TRUB2: variants seen among roughly 807,000 people sequenced by gnomAD.
TRUB2 encodes TruB pseudouridine synthase family member 2.
In TRUB2, 31 loss-of-function variants were observed where a neutral mutation model predicts 31.9. That is an observed-to-expected ratio of 0.97 (90% CI 0.73 to 1.31). TRUB2 has a LOEUF of 1.31. TRUB2 is among the 50% of genes most tolerant of loss of function. The pLI, the probability that TRUB2 is intolerant of heterozygous loss-of-function variation, is 0.00. For missense variants in TRUB2, 451 were observed against 439.6 expected, an observed-to-expected ratio of 1.03 and a Z score of -0.23; for synonymous variants, 201 against 182.6, an observed-to-expected ratio of 1.10 and a Z score of -0.81.
chr9:128,315,937 A>G (rs1255719288), intron 3 of TRUB2: 2 of 404,624 alleles, frequency 4.9e-6, no homozygotes, highest in African/African-American at 4.0e-5. Flanking sequence ...ACAAACCTGC[A>G]CTCAAATCAG....
intron 3 of TRUB2, chr9:128,315,912 C>G (rs891879531): frequency 6.5e-6 from 3 of 463,278 alleles, no homozygotes; most frequent in Non-Finnish European, 1.2e-5. Context: ...AGGAAGAGAT[C>G]CCTGGCCTAG....
chr9:128,316,945 A>G, intron 3 of TRUB2: 1 of 553,542 alleles, frequency 1.8e-6, no homozygotes, highest in Non-Finnish European at 3.2e-6. Flanking sequence ...GAATCACTGA[A>G]TAAAGGTGGG....
intron 7 of TRUB2, 84 bp downstream of exon 7, chr9:128,310,803 C>T (rs1379471025): frequency 6.4e-6 from 10 of 1,567,394 alleles, no homozygotes; most frequent in Non-Finnish European, 7.9e-6. Flanking sequence ...AGCCAGACAA[C>T]AGTGACCTCT....
chr9:128,311,390 CAAGA>C, intron 6 of TRUB2, 135 bp downstream of exon 6: 2 of 899,884 alleles, frequency 2.2e-6, no homozygotes, highest in South Asian at 1.5e-5. Flanking sequence ...TTCTTAATGC[CAAGA>C]AAGAAACAGG....
rs960411192 is a variant in TRUB2 at position 128,322,383 on chromosome 9, A to G, written c.26T>C (p.Leu9Pro). 3 of 1,614,174 alleles carry G rather than the reference A, an allele frequency of 1.9e-6. No homozygotes were observed. The highest frequency in any genetic ancestry group is 2.5e-6 in the Non-Finnish European group (3 of 1,180,034). Residue 9 changes from leucine (L) to proline (P), a missense_variant, in exon 1 of 8, where the codon CTG becomes CCG. By Grantham distance (98) the Leu-to-Pro change is moderately conservative. Transcript: ENST00000372890. MGSAGLSR[L>P]HGLFAVYKPP... ...CTTATAGACCGCGAAAAGCCCATGC[A>G]GCCGCGACAAGCCAGCAGACCCCAT... is the stretch of plus-strand genomic sequence containing the variant.
chr9:128,311,672 C>CA, intron 5 of TRUB2, 71 bp from the exon 6 acceptor site: 1 of 1,520,924 alleles, frequency 6.6e-7, no homozygotes, highest in Non-Finnish European at 9.1e-7. Flanking sequence ...TCCTTCCCCC[C>CA]AGGCCAGCCC....
intron 2 of TRUB2, among the ~76,000 whole-genome samples, chr9:128,319,779 A>C (rs1185329999): frequency 6.7e-6 from 1 of 149,784 alleles, no homozygotes; most frequent in Non-Finnish European, 1.5e-5. Context: ...AGCTGGGATT[A>C]CAGGTACGTG....
chr9:128,311,880 G>A (rs1831976743), intron 5 of TRUB2, among the ~76,000 whole-genome samples: 2 of 137,726 alleles, frequency 1.5e-5, no homozygotes, highest in Admixed American at 1.6e-4. Context: ...CTGTCACCCA[G>A]ACTGGAGTGC....
chr9:128,319,252 G>A lies in TRUB2; in HGVS notation c.242-2026C>T, dbSNP rs918105818. Among the ~76,000 whole-genome samples, 19 of 152,004 alleles carry A rather than the reference G, an allele frequency of 1.2e-4. No individual in the cohort carries two copies. In the East Asian group the frequency reaches 3.7e-3, roughly 30 times the overall value. Reference sequence around the variant, plus strand: ...GAGGCAGGAGAATGGCGTGAACCCAGGAGGAGAAGCTTGCAGTGAGCCGAG... The same window carrying A: ...GAGGCAGGAGAATGGCGTGAACCCAAGAGGAGAAGCTTGCAGTGAGCCGAG... On this transcript the variant is annotated intron_variant, in intron 2 of 7. Coordinates refer to ENST00000372890, the MANE Select transcript of TRUB2 (RefSeq NM_015679.3).
rs1290914412 is a variant in TRUB2, at chr9:128,306,061, A to G, written c.*3489T>C. ...TGCTTACACATTTGGTACATTTTTA[A>G]CAATCGTTGATTGTTCAACTCCATC... is the stretch of plus-strand genomic sequence containing the variant. On this transcript the variant is annotated 3_prime_UTR_variant, in exon 8 of 8. Transcript: ENST00000372890. 1 of 152,158 alleles carries G rather than the reference A, an allele frequency of 6.6e-6. No individual in the cohort carries two copies. Among genetic ancestry groups the G allele is most frequent in the Non-Finnish European group, 1.5e-5 (1 of 68,032 alleles). 9.4% of individuals were successfully genotyped at this position (152,158 alleles called of 1,614,324 possible). A position where few individuals can be genotyped will look rare whatever the true frequency, so the allele number is the denominator to read the frequency against.
At position 128,309,598 on chromosome 9, in the gene TRUB2, G is replaced by A; in HGVS notation, c.948C>T (p.Ser316=). ...QLPSPGWSWD[S]QGPSSTLGLE... ...GCCCCAAGGTAGAGCTCGGGCCCTGGGAGTCCCAGGACCATCCCGGACTGG... is the reference window on the plus strand; with the variant it reads ...GCCCCAAGGTAGAGCTCGGGCCCTGAGAGTCCCAGGACCATCCCGGACTGG... The change falls in exon 8 of 8, where the codon TCC becomes TCT. Residue 316 remains serine, a synonymous_variant. Coordinates refer to ENST00000372890, the MANE Select transcript of TRUB2 (RefSeq NM_015679.3). The A allele has an allele frequency of 6.2e-7, 1 of 1,613,714 alleles. No homozygotes were observed. The highest frequency in any genetic ancestry group is 8.5e-7 in the Non-Finnish European group (1 of 1,179,808).
chr9:128,311,677 C>T, intron 5 of TRUB2, 76 bp from the exon 6 acceptor site: 2 of 1,491,522 alleles, frequency 1.3e-6, no homozygotes, highest in Non-Finnish European at 1.9e-6. Context: ...CCCCCCAGGC[C>T]AGCCCCATCC....
At chr9:128,317,124 G>T in intron 3 of TRUB2, 28 bp downstream of exon 3, 1 of 1,551,408 alleles carries the variant, frequency 6.4e-7, no homozygotes. Context: ...CCTTATCACT[G>T]TACCCCCAGG....
At chr9:128,315,675 T>C (rs1390767408) in intron 3 of TRUB2, 47 bp from the exon 4 acceptor site, 2 of 1,592,014 alleles carry the variant, frequency 1.3e-6, no homozygotes, top group Non-Finnish European at 1.7e-6. Flanking sequence ...CCCTTCCCAT[T>C]CCCCTAAGTA....
Position 128,307,101 on chromosome 9 carries a change from A to T in TRUB2, c.*2449T>A, listed in dbSNP as rs1831878597. ...GTGAAACCCCGTCTCTACTAAAAAT[A>T]CAAAAGTTAGCTGGGCGTGGTGGTG... On this transcript the variant is annotated 3_prime_UTR_variant, in exon 8 of 8. Coordinates refer to ENST00000372890, the MANE Select transcript of TRUB2 (RefSeq NM_015679.3). 6.6e-6 allele frequency: 1 copy of T among 152,130 alleles called. No individual in the cohort carries two copies. Among genetic ancestry groups the T allele is most frequent in the Non-Finnish European group, 1.5e-5 (1 of 68,046 alleles). The allele number at this position is 152,130 out of a possible 1,614,324, so 9.4% of individuals were successfully genotyped here.
Position 128,310,849 on chromosome 9 carries a change from G to GTCCCATCTCACTGC in TRUB2, c.670+24_670+37dup, listed in dbSNP as rs746122339. The GTCCCATCTCACTGC allele has an allele frequency of 6.3e-5, 101 of 1,612,546 alleles. 1 individual carries two copies. In the South Asian group the frequency reaches 6.3e-4, roughly 10 times the overall value. On this transcript the variant is annotated intron_variant, in intron 7 of 7. Transcript: ENST00000372890. ...TCCTGAGTGACTCCCAAACCTACGGGTCCCATCTCACTGCTCCAACTTCCT... is the reference window on the plus strand; with the variant it reads ...TCCTGAGTGACTCCCAAACCTACGGGTCCCATCTCACTGCTCCCATCTCACTGCTCCAACTTCCT...
rs149529532 is a variant in TRUB2, at chr9:128,319,219, G to A, written c.242-1993C>T. Among the ~76,000 whole-genome samples, 563 of 152,076 alleles carry A rather than the reference G, an allele frequency of 3.7e-3. 17 individuals are homozygous for A. In the East Asian group the frequency reaches 0.084, roughly 23 times the overall value. On this transcript the variant is annotated intron_variant, in intron 2 of 7. Coordinates refer to ENST00000372890, the MANE Select transcript of TRUB2 (RefSeq NM_015679.3). Reference sequence around the variant, plus strand: ...CGGGCGCCTGTAGTCCCAGCTACTCGGGAGGCTGAGGCAGGAGAATGGCGT... The same window carrying A: ...CGGGCGCCTGTAGTCCCAGCTACTCAGGAGGCTGAGGCAGGAGAATGGCGT...
In TRUB2 at chr9:128,315,563, G is replaced by A. The variant is rs532956038; in HGVS notation, c.378+4C>T. The A allele has an allele frequency of 2.3e-5, 37 of 1,612,984 alleles. No individual in the cohort carries two copies. The South Asian group carries it at 2.7e-4, about 12-fold the overall frequency. On this transcript the variant is annotated splice_donor_region_variant and intron_variant, in intron 4 of 7. Coordinates refer to ENST00000372890, the MANE Select transcript of TRUB2 (RefSeq NM_015679.3). ...AGAAGCAGGCTGTCCCCAGACCCTC[G>A]TACCTTGGTAAGATGAGCATTGTAC...
rs1831936593 is a variant in TRUB2, at chr9:128,309,810, G to T, written c.736C>A (p.Leu246Ile). Residue 246 changes from leucine (L) to isoleucine (I), a missense_variant, in exon 8 of 8, where the codon CTA (leucine) becomes ATA (isoleucine). Coordinates refer to ENST00000372890, the MANE Select transcript of TRUB2 (RefSeq NM_015679.3). Reference sequence around the variant, plus strand: ...TGGGTGCAGACAGCAGTGGTCTTTAGTTCCAGGCCGATTTCATGAACCAAC... The same window carrying T: ...TGGGTGCAGACAGCAGTGGTCTTTATTTCCAGGCCGATTTCATGAACCAAC... ...RKLVHEIGLE[L>I]KTTAVCTQVR... is the part of the protein sequence containing the mutation. The T allele has an allele frequency of 6.2e-7, 1 of 1,614,108 alleles. No homozygotes were observed. Among genetic ancestry groups the T allele is most frequent in the Admixed American group, 1.7e-5 (1 of 59,990 alleles).
Sources: allele counts gnomAD v4.1 joint callset (sites outside exome capture counted in the v4.1 genomes callset), GRCh38; gene constraint gnomAD v4.1.1; transcripts MANE v1.5; gene names NCBI Gene and HGNC (gene_info 2026-07-23, HGNC 2026-07-21).